The following LRRIQ3 variants were observed in gnomAD, a reference collection of about 807,000 sequenced individuals.
The protein encoded by LRRIQ3 is leucine-rich repeat and IQ domain-containing protein 3.
In LRRIQ3, 75 loss-of-function variants were observed where a neutral mutation model predicts 59.3. The ratio of observed to expected loss-of-function variants is 1.26; its 90% confidence interval spans 1.05 to 1.53. The LOEUF is 1.53. Among genes scored for constraint, LRRIQ3 ranks in the 40% most tolerant of loss-of-function variants. The probability of loss-of-function intolerance (pLI) is 0.00; values close to 1 mark genes in which losing one functional copy is unlikely to be tolerated. For missense variants in LRRIQ3, 831 were observed against 710.0 expected (o/e 1.17, Z -1.94); for synonymous variants, 250 against 231.3 (o/e 1.08, Z -0.73).
At chr1:74,131,993 A>C (rs935773500) in intron 4 of LRRIQ3, among the ~76,000 whole-genome samples, 1 of 152,192 alleles carries the variant, frequency 6.6e-6, no homozygotes, top group Admixed American at 6.5e-5. Flanking sequence ...GTCTCAGCAC[A>C]AAATCTCCTT....
At chr1:74,090,367 T>G (rs1166232928) in intron 5 of LRRIQ3, among the ~76,000 whole-genome samples, 1 of 151,822 alleles carries the variant, frequency 6.6e-6, no homozygotes, top group East Asian at 1.9e-4. Context: ...ATGAGAAAAC[T>G]ATGAGAGAAC....
chr1:74,033,273 A>G (rs1653773247), intron 7 of LRRIQ3, among the ~76,000 whole-genome samples: 1 of 152,080 alleles, frequency 6.6e-6, no homozygotes, highest in Non-Finnish European at 1.5e-5. Flanking sequence ...TGTAAGGAAC[A>G]TTTTAGCATA....
At chr1:74,040,077 G>A (rs1220518961) in intron 7 of LRRIQ3, among the ~76,000 whole-genome samples, 8 of 152,014 alleles carry the variant, frequency 5.3e-5, no homozygotes, top group Non-Finnish European at 1.2e-4. Flanking sequence ...TCAAAATAAA[G>A]GAATGGAGGA....
chr1:74,162,020 G>T (rs1648690471), intron 3 of LRRIQ3, among the ~76,000 whole-genome samples: 1 of 151,784 alleles, frequency 6.6e-6, no homozygotes, highest in Non-Finnish European at 1.5e-5. Flanking sequence ...TCTACCACTT[G>T]CTAGCTGTGT....
chr1:74,143,799 C>A (rs536636354), intron 4 of LRRIQ3, among the ~76,000 whole-genome samples: 13 of 151,454 alleles, frequency 8.6e-5, no homozygotes, highest in Admixed American at 4.0e-4. Flanking sequence ...AAGGTAACTA[C>A]TCTTGGCATA....
chr1:74,063,074 C>CA (rs1553163308), intron 6 of LRRIQ3, among the ~76,000 whole-genome samples: 2 of 148,510 alleles, frequency 1.3e-5, no homozygotes, highest in African/African-American at 4.9e-5. Context: ...CAAAACAAAA[C>CA]AAAAAAAATC....
chr1:74,141,982 T>TAC (rs66546682), intron 4 of LRRIQ3, among the ~76,000 whole-genome samples: 42,162 of 150,318 alleles, frequency 0.28, 6,514 homozygotes, highest in Middle Eastern at 0.42. Flanking sequence ...ATTCCATTTA[T>TAC]ACACACACAC....
intron 5 of LRRIQ3, among the ~76,000 whole-genome samples, chr1:74,092,273 G>C (rs562973903): frequency 6.6e-6 from 1 of 152,190 alleles, no homozygotes; most frequent in East Asian, 1.9e-4. Flanking sequence ...GTCCTAGACT[G>C]TATACCTCTG....
At chr1:74,087,381 C>CTTTTTTTTTTTT (rs57068994) in intron 5 of LRRIQ3, among the ~76,000 whole-genome samples, 15 of 59,010 alleles carry the variant, frequency 2.5e-4, no homozygotes, top group African/African-American at 1.0e-3. Flanking sequence ...AAAATTTTAT[C>CTTTTTTTTTTTT]TTTTTTTTTT....
intron 6 of LRRIQ3, 78 bp from the exon 7 acceptor site, chr1:74,042,011 A>T: frequency 7.5e-7 from 1 of 1,329,564 alleles, no homozygotes; most frequent in Non-Finnish European, 9.8e-7. Flanking sequence ...TATATCAATA[A>T]ACTTGATAAG....
intron 5 of LRRIQ3, among the ~76,000 whole-genome samples, chr1:74,101,622 T>C (rs1453962103): frequency 2.0e-5 from 3 of 152,054 alleles, no homozygotes; most frequent in African/African-American, 4.8e-5. Flanking sequence ...ATGTTTATTG[T>C]GGCACTATTC....
chr1:74,084,118 C>T, intron 5 of LRRIQ3: 1 of 1,513,070 alleles, frequency 6.6e-7, no homozygotes, highest in Non-Finnish European at 8.9e-7. Context: ...ATCCTGTTGT[C>T]CAATGAATGA....
intron 7 of LRRIQ3, among the ~76,000 whole-genome samples, chr1:74,029,492 GA>G (rs1217330901): frequency 6.6e-6 from 1 of 152,006 alleles, no homozygotes; most frequent in Non-Finnish European, 1.5e-5. Context: ...TTATATGCTG[GA>G]TTACGTTTAT....
intron 3 of LRRIQ3, among the ~76,000 whole-genome samples, chr1:74,172,227 T>C (rs1384446598): frequency 6.6e-6 from 1 of 152,134 alleles, no homozygotes; most frequent in East Asian, 1.9e-4. Context: ...GATTTCACTA[T>C]AAACCTCCCT....
At chr1:74,086,463 A>G (rs1023845589) in intron 5 of LRRIQ3, among the ~76,000 whole-genome samples, 2 of 152,158 alleles carry the variant, frequency 1.3e-5, no homozygotes, top group African/African-American at 4.8e-5. Context: ...TACTCACTGG[A>G]TACCAGACTG....
chr1:74,151,022 T>C (rs1460871645), intron 4 of LRRIQ3, among the ~76,000 whole-genome samples: 2 of 141,606 alleles, frequency 1.4e-5, no homozygotes, highest in East Asian at 2.0e-4. Flanking sequence ...TTTTTTTTTT[T>C]TTTTTTTTTT....
intron 7 of LRRIQ3, among the ~76,000 whole-genome samples, chr1:74,035,527 CT>C (rs1653844228): frequency 6.6e-6 from 1 of 152,034 alleles, no homozygotes; most frequent in African/African-American, 2.4e-5. Context: ...TGGTTTAAAA[CT>C]TTAAAACCTT....
At chr1:74,054,739 A>AATATATATATATATATATAT (rs143015235) in intron 6 of LRRIQ3, among the ~76,000 whole-genome samples, 9 of 141,782 alleles carry the variant, frequency 6.3e-5, no homozygotes, top group South Asian at 2.2e-4. Context: ...AGAAAACACA[A>AATATATATATATATATATAT]ATATATATAT....
chr1:74,075,961 C>T (rs1395840837), intron 5 of LRRIQ3, among the ~76,000 whole-genome samples: 2 of 152,098 alleles, frequency 1.3e-5, no homozygotes, highest in African/African-American at 4.8e-5. Context: ...TCCAGAGGTT[C>T]TTCAAATAAC....
Sources: allele counts gnomAD v4.1 joint callset (sites outside exome capture counted in the v4.1 genomes callset), GRCh38; gene constraint gnomAD v4.1.1; transcripts MANE v1.5; gene names NCBI Gene and HGNC (gene_info 2026-07-23, HGNC 2026-07-21).